The following TYR variants were observed in gnomAD, a reference collection of about 807,000 sequenced individuals.
TYR encodes tyrosinase, also known as LB24-AB.
Under a neutral mutation model 51.5 loss-of-function variants are expected in TYR, and 58 were observed. That is an observed-to-expected ratio of 1.13 (90% CI 0.91 to 1.40). TYR has a LOEUF of 1.40. Among genes scored for constraint, TYR ranks in the 40% most tolerant of loss-of-function variants. The probability of loss-of-function intolerance (pLI) is 0.00; values close to 1 mark genes in which losing one functional copy is unlikely to be tolerated. For missense variants in TYR, 732 were observed against 647.4 expected (o/e 1.13, Z -1.42); for synonymous variants, 263 against 235.2 (o/e 1.12, Z -1.08).
chr11:89,198,754 C>CATATAT (rs144458836), intron 2 of TYR, among the ~76,000 whole-genome samples: 8,686 of 146,302 alleles, frequency 0.059, 332 homozygotes, highest in African/African-American at 0.1. Flanking sequence ...ACTTTTTTCT[C>CATATAT]ATATATATAT....
chr11:89,295,640 A>G lies in TYR; in HGVS notation c.*274A>G. 2.5e-6 allele frequency: 1 copy of G among 405,648 alleles called. No homozygotes were observed. The highest frequency in any genetic ancestry group is 2.7e-5 in the South Asian group (1 of 37,292). The allele number at this position is 405,648 out of a possible 1,614,324, so 25.1% of individuals were successfully genotyped here. On this transcript the variant is annotated 3_prime_UTR_variant, in exon 5 of 5. Transcript: ENST00000263321. The stretch of plus-strand genomic sequence containing the variant: ...ATGAGGAACTGTTATTTGTATGTGA[A>G]TTAAAGTGCTCTTATTTTAAAAAAT...
Position 89,274,908 on chromosome 11 carries a change from C to T in TYR, c.1185-9865C>T, listed in dbSNP as rs183656087. On this transcript the variant is annotated intron_variant, in intron 3 of 4. Coordinates refer to ENST00000263321, the MANE Select transcript of TYR (RefSeq NM_000372.5). The stretch of plus-strand genomic sequence containing the variant: ...TGAGCTGTTTAGGTCCCTTTCAGCA[C>T]TCTTAAAGTCACCTCCCAAGTACTC... 5.3e-5 allele frequency among the ~76,000 whole-genome samples: 8 copies of T among 151,844 alleles called. No individual in the cohort carries two copies. In the East Asian group the frequency reaches 1.6e-3, roughly 30 times the overall value.
In TYR at chr11:89,270,043, T is replaced by TA. The variant is rs552673825; in HGVS notation, c.1185-14726dup. On this transcript the variant is annotated intron_variant, in intron 3 of 4. Coordinates refer to ENST00000263321, the MANE Select transcript of TYR (RefSeq NM_000372.5). ...GGCACGATTATGTCACTGCATGGCT[T>TA]AAAATCCTCCAATGGCTCCTCACAG... 4.5e-4 allele frequency among the ~76,000 whole-genome samples: 69 copies of TA among 151,948 alleles called. 1 individual carries two copies. The highest frequency in any genetic ancestry group is 2.3e-3 in the South Asian group (11 of 4,830).
intron 2 of TYR, among the ~76,000 whole-genome samples, chr11:89,208,281 A>C (rs2135267014): frequency 6.6e-6 from 1 of 152,340 alleles, no homozygotes; most frequent in South Asian, 2.1e-4. Flanking sequence ...AGAAAAGAAA[A>C]AAAGTTTTTA....
intron 2 of TYR, among the ~76,000 whole-genome samples, chr11:89,213,633 A>G (rs745317999): frequency 6.6e-6 from 1 of 152,146 alleles, no homozygotes; most frequent in Non-Finnish European, 1.5e-5. Context: ...ATCCAAGACA[A>G]TTAATTCTAA....
intron 3 of TYR, among the ~76,000 whole-genome samples, chr11:89,280,256 T>C (rs1011910740): frequency 6.6e-6 from 1 of 151,716 alleles, no homozygotes; most frequent in African/African-American, 2.4e-5. Context: ...ATTTCTTCTG[T>C]TCTGCCTACT....
intron 2 of TYR, among the ~76,000 whole-genome samples, chr11:89,205,098 C>T (rs1943654716): frequency 6.6e-6 from 1 of 151,774 alleles, no homozygotes; most frequent in South Asian, 2.1e-4. Flanking sequence ...AAAATTAGAA[C>T]TAAAAAATAC....
At chr11:89,183,369 T>C (rs557326745) in intron 1 of TYR, among the ~76,000 whole-genome samples, 17 of 152,238 alleles carry the variant, frequency 1.1e-4, no homozygotes, top group African/African-American at 3.8e-4. Flanking sequence ...TGCCATTTAG[T>C]AGACGACATT....
intron 4 of TYR, 127 bp downstream of exon 4, chr11:89,285,081 A>G: frequency 1.3e-6 from 1 of 779,766 alleles, no homozygotes; most frequent in Non-Finnish European, 2.1e-6. Flanking sequence ...GTGCATTATA[A>G]TCCTTAATTT....
chr11:89,221,921 G>A (rs1218646893), intron 2 of TYR, among the ~76,000 whole-genome samples: 1 of 152,164 alleles, frequency 6.6e-6, no homozygotes, highest in Non-Finnish European at 1.5e-5. Context: ...TATGATTAAA[G>A]TGCAACATCT....
intron 3 of TYR, among the ~76,000 whole-genome samples, chr11:89,277,799 T>G (rs140215088): frequency 5.1e-4 from 77 of 151,766 alleles, no homozygotes; most frequent in African/African-American, 1.8e-3. Context: ...CTGGACATCA[T>G]TTTCTCACTG....
chr11:89,223,482 T>C (rs1329599642), intron 2 of TYR, among the ~76,000 whole-genome samples: 3 of 152,204 alleles, frequency 2.0e-5, no homozygotes, highest in Admixed American at 2.0e-4. Flanking sequence ...TTATATTATT[T>C]GTCATTCATA....
At chr11:89,209,055 C>T (rs1193174135) in intron 2 of TYR, among the ~76,000 whole-genome samples, 3 of 152,268 alleles carry the variant, frequency 2.0e-5, no homozygotes, top group African/African-American at 7.2e-5. Flanking sequence ...GCATTTCCAA[C>T]TGAGGTATCT....
chr11:89,227,692 G>A (rs1943993993), intron 2 of TYR, 131 bp from the exon 3 acceptor site: 3 of 814,224 alleles, frequency 3.7e-6, no homozygotes, highest in African/African-American at 3.5e-5. Context: ...TCTCAATACG[G>A]AATGAATTTT....
At chr11:89,239,802 T>C (rs554954210) in intron 3 of TYR, among the ~76,000 whole-genome samples, 62 of 152,300 alleles carry the variant, frequency 4.1e-4, no homozygotes, top group Non-Finnish European at 7.5e-4. Flanking sequence ...GACCCATTTG[T>C]TGTTCAGAAA....
At chr11:89,284,601 C>T (rs1407329820) in intron 3 of TYR, among the ~76,000 whole-genome samples, 172 bp from the exon 4 acceptor site, 2 of 151,680 alleles carry the variant, frequency 1.3e-5, no homozygotes, top group African/African-American at 4.8e-5. Context: ...AACTTCAAGG[C>T]CTGAAAGAAT....
intron 3 of TYR, among the ~76,000 whole-genome samples, chr11:89,258,953 A>G (rs1944426288): frequency 6.6e-6 from 1 of 152,034 alleles, no homozygotes; most frequent in Admixed American, 6.6e-5. Context: ...CTATTTTCTA[A>G]GTCATACCTA....
intron 4 of TYR, among the ~76,000 whole-genome samples, chr11:89,288,004 A>T (rs573822042): frequency 6.6e-6 from 1 of 152,062 alleles, no homozygotes; most frequent in South Asian, 2.1e-4. Flanking sequence ...AAAATGATGA[A>T]TGGTAGTATA....
chr11:89,187,921 T>C (rs1943396995), intron 1 of TYR, among the ~76,000 whole-genome samples: 1 of 151,840 alleles, frequency 6.6e-6, no homozygotes. Context: ...GCCTTATTCA[T>C]TGATTTAAAA....
Sources: allele counts gnomAD v4.1 joint callset (sites outside exome capture counted in the v4.1 genomes callset), GRCh38; gene constraint gnomAD v4.1.1; transcripts MANE v1.5; gene names NCBI Gene and HGNC (gene_info 2026-07-23, HGNC 2026-07-21).